The following CBFA2T3 variants were observed in gnomAD, a reference collection of about 807,000 sequenced individuals.
CBFA2T3 encodes transcriptional corepressor CBFA2T3.
A neutral mutation model predicts 58.6 loss-of-function variants in CBFA2T3; 31 were observed. The ratio of observed to expected loss-of-function variants is 0.53; its 90% CI spans 0.40 to 0.71. CBFA2T3 has a LOEUF of 0.71. Ranked by LOEUF, CBFA2T3 falls within the 30% of genes least tolerant of loss-of-function variation. The pLI, the probability that CBFA2T3 is intolerant of heterozygous loss-of-function variation, is 0.00. For synonymous variants in CBFA2T3, 531 were observed against 421.9 expected (o/e 1.26, Z -3.17); for missense variants, 1,076 against 963.1 (o/e 1.12, Z -1.55).
intron 5 of CBFA2T3, among the ~76,000 whole-genome samples, chr16:88,889,406 C>T (rs927278204): frequency 2.0e-3 from 4 of 2,042 alleles, no homozygotes; most frequent in East Asian, 0.023. Flanking sequence ...GAGGCAGGGG[C>T]GGGAGGGAGG....
intron 1 of CBFA2T3, among the ~76,000 whole-genome samples, chr16:88,948,618 T>C (rs1341836381): frequency 6.6e-6 from 1 of 152,246 alleles, no homozygotes; most frequent in Non-Finnish European, 1.5e-5. Flanking sequence ...CTCCCCTGAC[T>C]CACATCGGCA....
chr16:88,924,111 C>G (rs749844104), intron 1 of CBFA2T3, among the ~76,000 whole-genome samples: 2 of 151,362 alleles, frequency 1.3e-5, no homozygotes, highest in Admixed American at 1.3e-4. Flanking sequence ...GGGAGGGCCG[C>G]GCCTGCTGGG....
At chr16:88,895,624 A>G (rs1165322858) in intron 3 of CBFA2T3, among the ~76,000 whole-genome samples, 2 of 152,002 alleles carry the variant, frequency 1.3e-5, no homozygotes, top group Admixed American at 6.5e-5. Flanking sequence ...AGCGGGGGGA[A>G]CAGGTGTGCC....
chr16:88,927,858 G>A (rs902587359), intron 1 of CBFA2T3, among the ~76,000 whole-genome samples: 1 of 152,192 alleles, frequency 6.6e-6, no homozygotes, highest in African/African-American at 2.4e-5. Flanking sequence ...TGGGCTGCAC[G>A]GGCCACGATG....
Position 88,885,269 on chromosome 16 carries a change from C to T in CBFA2T3, c.894G>A (p.Arg298=). ...NENGKRRTPD[R]TKENGSDRDP... ...CGCGGTCTGACCCGTTCTCTTTGGT[C>T]CTAGCCCCAAGAGCAGGTGGGGCGA... The change falls in exon 7 of 12, where the codon AGG becomes AGA. Residue 298 remains arginine (R), a splice_region_variant and synonymous_variant. Coordinates refer to ENST00000268679, the MANE Select transcript of CBFA2T3 (RefSeq NM_005187.6). The surrounding 1 kb of genome is among the most constrained non-coding windows in gnomAD (Gnocchi z 5.3). 6.5e-7 allele frequency: 1 copy of T among 1,533,476 alleles called. No homozygotes were observed. The highest frequency in any genetic ancestry group is 8.8e-7 in the Non-Finnish European group (1 of 1,135,934). 95.0% of individuals were successfully genotyped at this position (1,533,476 alleles called of 1,614,324 possible). A position where few individuals can be genotyped will look rare whatever the true frequency, so the allele number is the denominator to read the frequency against.
chr16:88,974,251 T>A (rs1380755183), intron 1 of CBFA2T3, among the ~76,000 whole-genome samples: 1 of 152,014 alleles, frequency 6.6e-6, no homozygotes, highest in Non-Finnish European at 1.5e-5. Flanking sequence ...CCTGCACAGC[T>A]CCGAGCACAC....
chr16:88,891,227 C>A (rs1000806467), intron 5 of CBFA2T3, among the ~76,000 whole-genome samples: 1 of 152,070 alleles, frequency 6.6e-6, no homozygotes, highest in African/African-American at 2.4e-5. Flanking sequence ...GTCACACTGA[C>A]CCCTCTGCTG....
At chr16:88,935,590 G>A (rs1278065165) in intron 1 of CBFA2T3, among the ~76,000 whole-genome samples, 1 of 152,240 alleles carries the variant, frequency 6.6e-6, no homozygotes, top group Non-Finnish European at 1.5e-5. Flanking sequence ...CGTGGGTGGA[G>A]CAGGCACAGG....
chr16:88,889,062 G>T (rs944567803), intron 5 of CBFA2T3, among the ~76,000 whole-genome samples: 1 of 151,914 alleles, frequency 6.6e-6, no homozygotes, highest in South Asian at 2.1e-4. Context: ...TTAAGCAAGG[G>T]TGGCTGAGGC....
intron 1 of CBFA2T3, among the ~76,000 whole-genome samples, chr16:88,926,521 G>A (rs565874732): frequency 6.6e-5 from 10 of 152,230 alleles, no homozygotes; most frequent in African/African-American, 1.2e-4. Context: ...CCAGGCCGGA[G>A]TCTCAGGGCT....
chr16:88,911,224 C>CCTGA (rs1157935312), intron 1 of CBFA2T3, among the ~76,000 whole-genome samples: 6 of 152,236 alleles, frequency 3.9e-5, no homozygotes, highest in Non-Finnish European at 1.5e-5. Flanking sequence ...AACAAGGGAC[C>CCTGA]CTGACCCCAA....
At chr16:88,964,110 G>A (rs1046541385) in intron 1 of CBFA2T3, among the ~76,000 whole-genome samples, 3 of 152,200 alleles carry the variant, frequency 2.0e-5, no homozygotes, top group Admixed American at 6.5e-5. Flanking sequence ...TGGGCCGATC[G>A]GCTTAAAGGA....
At chr16:88,917,185 T>C (rs1486714586) in intron 1 of CBFA2T3, among the ~76,000 whole-genome samples, 1 of 152,192 alleles carries the variant, frequency 6.6e-6, no homozygotes, top group African/African-American at 2.4e-5. Context: ...AGGAGTTAGC[T>C]GGCCCTGCCC....
At position 88,876,703 on chromosome 16, in the gene CBFA2T3, C is replaced by T. The variant is rs897812530; in HGVS notation, c.*273G>A. On this transcript the variant is annotated 3_prime_UTR_variant, in exon 12 of 12. Coordinates refer to ENST00000268679, the MANE Select transcript of CBFA2T3 (RefSeq NM_005187.6). Reference sequence around the variant, plus strand: ...TCTGCTGTCTAAAGCTCAGTCGAGGCTTCTGAGGATGCTTGAAGAGACGTT... The same window carrying T: ...TCTGCTGTCTAAAGCTCAGTCGAGGTTTCTGAGGATGCTTGAAGAGACGTT... The T allele has an allele frequency of 1.9e-5, 8 of 424,044 alleles. No individual in the cohort carries two copies. Among genetic ancestry groups the T allele is most frequent in the Non-Finnish European group, 2.9e-5 (7 of 241,538 alleles). The allele number at this position is 424,044 out of a possible 1,614,324, so 26.3% of individuals were successfully genotyped here.
rs754371677 is a variant in CBFA2T3 at position 88,892,239 on chromosome 16, C to G, written c.621+5G>C. 1 of 1,606,258 alleles carries G rather than the reference C, an allele frequency of 6.2e-7. No homozygotes were observed. Among genetic ancestry groups the G allele is most frequent in the Non-Finnish European group, 8.5e-7 (1 of 1,177,778 alleles). On this transcript the variant is annotated splice_donor_5th_base_variant and intron_variant, in intron 4 of 11. Coordinates refer to ENST00000268679, the MANE Select transcript of CBFA2T3 (RefSeq NM_005187.6). ...CAAGGCCCCGGCTGTCCCTGCCCAA[C>G]TCACCACCAGGCCCAGCACCAGTGT...
intron 8 of CBFA2T3, 113 bp from the exon 9 acceptor site, chr16:88,881,602 C>T (rs887346041): frequency 1.1e-5 from 12 of 1,091,966 alleles, no homozygotes; most frequent in South Asian, 1.5e-5. Flanking sequence ...ACCAGCCCAC[C>T]GCCCGTGAGA....
chr16:88,927,784 C>T (rs556227863), intron 1 of CBFA2T3, among the ~76,000 whole-genome samples: 5 of 152,312 alleles, frequency 3.3e-5, no homozygotes, highest in South Asian at 4.1e-4. Context: ...AACACTGACC[C>T]GAAGACAGGT....
intron 8 of CBFA2T3, among the ~76,000 whole-genome samples, chr16:88,881,852 G>A (rs572016937): frequency 1.9e-4 from 29 of 152,370 alleles, no homozygotes; most frequent in Non-Finnish European, 3.5e-4. Context: ...AGTGCTGGGA[G>A]GGGTGCTGGC....
chr16:88,891,329 C>A (rs1185554028), intron 5 of CBFA2T3, among the ~76,000 whole-genome samples: 2 of 152,204 alleles, frequency 1.3e-5, no homozygotes, highest in Non-Finnish European at 2.9e-5. Context: ...CTGCACCTAG[C>A]TCCGCCCTCA....
Sources: gnomAD v4.1 joint callset for allele counts (sites outside exome capture counted in the v4.1 genomes callset) on GRCh38, gnomAD v4.1.1 for gene constraint, Gnocchi (gnomAD v3.1) non-coding constraint, MANE v1.5 for transcripts, NCBI Gene and HGNC (gene_info 2026-07-23, HGNC 2026-07-21) for gene names.